Variants in RPL6 observed in about 807,000 individuals in gnomAD.
The protein encoded by RPL6 is ribosomal protein L6.
Under a neutral mutation model 32.1 loss-of-function variants are expected in RPL6, and 1 was observed. The observed-to-expected ratio is 0.03, with a 90% confidence interval of 0.01 to 0.15. The LOEUF (loss-of-function observed/expected upper bound fraction) is 0.15. RPL6 is among the 10% of genes least tolerant of loss of function. RPL6 has a pLI of 1.00. For synonymous variants in RPL6, 126 were observed against 131.6 expected, an observed-to-expected ratio of 0.96 and a Z score of 0.29; for missense variants, 275 against 354.6, an observed-to-expected ratio of 0.78 and a Z score of 1.80.
intron 4 of RPL6, 96 bp downstream of exon 4, chr12:112,406,651 G>A (rs191319451): frequency 2.0e-6 from 3 of 1,474,760 alleles, no homozygotes; most frequent in East Asian, 4.8e-5. Flanking sequence ...CCCAAACATA[G>A]GTAAATAAAG....
chr12:112,411,087 T>C (rs940050542), upstream of RPL6, among the ~76,000 whole-genome samples: 2 of 152,338 alleles, frequency 1.3e-5, no homozygotes, highest in East Asian at 3.9e-4. Context: ...TTAAGTAACT[T>C]GCTCACAGCA....
intron 1 of RPL6, chr12:112,418,469 CCTTG>C (rs1306249766): frequency 1.1e-4 from 21 of 192,258 alleles, no homozygotes; most frequent in African/African-American, 4.9e-4. Context: ...GCCTCGAACT[CCTTG>C]GCTTAAGCGA....
At chr12:112,408,749 C>T (rs2037262978) in intron 1 of RPL6, 93 bp from the exon 2 acceptor site, 2 of 1,069,706 alleles carry the variant, frequency 1.9e-6, no homozygotes, top group African/African-American at 3.1e-5. Flanking sequence ...GGGCTGGGCT[C>T]CCCAGACTAC....
intron 4 of RPL6, 78 bp downstream of exon 4, chr12:112,406,669 A>C: frequency 6.4e-7 from 1 of 1,550,666 alleles, no homozygotes; most frequent in Non-Finnish European, 8.7e-7. Flanking sequence ...AAGGAAAAGT[A>C]CACCTAGCGT....
chr12:112,410,954 G>C (rs1406208090), upstream of RPL6, among the ~76,000 whole-genome samples: 7 of 152,140 alleles, frequency 4.6e-5, no homozygotes. Context: ...CAAGTATTCT[G>C]CTAAAGTTTA....
chr12:112,417,601 C>T (rs545277998), intron 1 of RPL6, among the ~76,000 whole-genome samples: 6 of 116,088 alleles, frequency 5.2e-5, no homozygotes, highest in South Asian at 3.0e-4. Flanking sequence ...GAGACATGGT[C>T]GCACCATGTT....
chr12:112,409,409 AC>A (rs950618069), intron 1 of RPL6, 177 bp downstream of exon 1: 29 of 398,140 alleles, frequency 7.3e-5, no homozygotes, highest in Admixed American at 3.1e-4. Flanking sequence ...ATTCTACCTC[AC>A]CCTCTTTGTG....
chr12:112,406,414 C>T lies in RPL6; in HGVS notation c.481-72G>A. ...ACTTCTGAATTCATAAAATCACAGG[C>T]ATCTAAATTTGGGTAAAGGAAATTT... On this transcript the variant is annotated intron_variant, in intron 4 of 6. Transcript: ENST00000202773. 2.9e-6 allele frequency: 4 copies of T among 1,383,882 alleles called. No individual in the cohort carries two copies. In the South Asian group the frequency reaches 4.8e-5, roughly 16 times the overall value. 85.7% of individuals were successfully genotyped at this position (1,383,882 alleles called of 1,614,324 possible).
intron 1 of RPL6, among the ~76,000 whole-genome samples, chr12:112,416,488 C>G (rs954247144): frequency 2.0e-5 from 3 of 152,004 alleles, no homozygotes; most frequent in African/African-American, 7.3e-5. Flanking sequence ...GTTGGCCAGG[C>G]TGGTCTCAAA....
intron 1 of RPL6, among the ~76,000 whole-genome samples, chr12:112,415,731 C>CTT (rs1198034706): frequency 7.0e-6 from 1 of 143,802 alleles, no homozygotes. Flanking sequence ...AAACAAAAAA[C>CTT]TTTTTTTTTT....
chr12:112,412,674 C>A (rs773389322), upstream of RPL6, among the ~76,000 whole-genome samples: 1 of 152,070 alleles, frequency 6.6e-6, no homozygotes, highest in Non-Finnish European at 1.5e-5. Context: ...CAGGGTCTCA[C>A]AATGTTGCCT....
intron 4 of RPL6, 192 bp from the exon 5 acceptor site, chr12:112,406,534 G>A: frequency 2.4e-6 from 2 of 816,856 alleles, no homozygotes; most frequent in Non-Finnish European, 3.8e-6. Context: ...TTGAGTAAAT[G>A]AACATGTGTA....
At chr12:112,410,508 ATATTTGAT>A (rs976152196), upstream of RPL6, 39 of 143,364 alleles carry the variant, frequency 2.7e-4, no homozygotes, top group African/African-American at 9.3e-4. Context: ...ACTGAGAAGC[ATATTTGAT>A]TATTTGATGG....
chr12:112,405,363 G>A lies in RPL6; in HGVS notation c.728C>T (p.Thr243Met), dbSNP rs138678598. Residue 243 changes from threonine to methionine, a missense_variant, in exon 7 of 7, where the codon ACG becomes ATG. Physicochemically the swap from Thr to Met is moderately conservative, Grantham distance 81 (BLOSUM62 -1). Transcript: ENST00000202773. ...TTTCTGATCAATCTTGCGCTGCTCC[G>A]TAATCTCATATTTCTAAATAAAGAG... ...FDTEKEKYEI[T>M]EQRKIDQKAV... 6.3e-5 allele frequency: 101 copies of A among 1,603,556 alleles called. No homozygotes were observed. The highest frequency in any genetic ancestry group is 7.9e-5 in the South Asian group (7 of 88,696).
At chr12:112,416,512 G>T (rs1409620637) in intron 1 of RPL6, among the ~76,000 whole-genome samples, 2 of 152,106 alleles carry the variant, frequency 1.3e-5, no homozygotes, top group African/African-American at 4.8e-5. Flanking sequence ...CTGACCTCAG[G>T]TGATCCACCC....
In RPL6 at chr12:112,408,620, C is replaced by T. The variant is rs148436123; in HGVS notation, c.37G>A (p.Glu13Lys). The T allele has an allele frequency of 9.9e-5, 155 of 1,572,230 alleles. No homozygotes were observed. The highest frequency in any genetic ancestry group is 1.2e-4 in the Non-Finnish European group (145 of 1,170,208). ...ACCTTCTTGGCTTCGGGTTTCTTCTCTTTAGTATCTGGCTTCTCAACTTTT... is the reference window on the plus strand; with the variant it reads ...ACCTTCTTGGCTTCGGGTTTCTTCTTTTTAGTATCTGGCTTCTCAACTTTT... Reference protein sequence around the residue: ...GEKVEKPDTKEKKPEAKKVDA... With the variant: ...GEKVEKPDTKKKKPEAKKVDA... The change falls in exon 2 of 7, where the codon GAG becomes AAG. Residue 13 changes from glutamate (E) to lysine (K), a missense_variant. Physicochemically the swap from Glu to Lys is moderately conservative, Grantham distance 56 (BLOSUM62 1). Coordinates refer to ENST00000202773, the MANE Select transcript of RPL6 (RefSeq NM_000970.6).
At chr12:112,409,564 G>C (rs1000351925) in intron 1 of RPL6, 23 bp downstream of exon 1, 1 of 398,508 alleles carries the variant, frequency 2.5e-6, no homozygotes, top group Admixed American at 4.4e-5. Context: ...CTCAAGTCTT[G>C]CAGACAGGCC....
chr12:112,415,968 T>C (rs1361821267), intron 1 of RPL6, among the ~76,000 whole-genome samples: 21 of 143,060 alleles, frequency 1.5e-4, no homozygotes, highest in Non-Finnish European at 4.6e-5. Flanking sequence ...TTTTTTTTTT[T>C]TTTTTTTTGA....
Position 112,406,275 on chromosome 12 carries a change from AAT to A in RPL6, c.529+17_529+18del. On this transcript the variant is annotated intron_variant, in intron 5 of 6. Transcript: ENST00000202773. The stretch of plus-strand genomic sequence containing the variant: ...AAATGGAAGTTTCACAGAACATCAC[AAT>A]CCAAGGATTTTCTTACCAGTCACAA... 1.2e-6 allele frequency: 2 copies of A among 1,607,836 alleles called. No homozygotes were observed. The highest frequency in any genetic ancestry group is 1.7e-6 in the Non-Finnish European group (2 of 1,174,620).
Sources: gnomAD v4.1 joint callset for allele counts (sites outside exome capture counted in the v4.1 genomes callset) on GRCh38, gnomAD v4.1.1 for gene constraint, MANE v1.5 for transcripts, NCBI Gene and HGNC (gene_info 2026-07-23, HGNC 2026-07-21) for gene names.